The following CACNA1C variants were observed in gnomAD, a reference collection of about 807,000 sequenced individuals.
The protein encoded by CACNA1C is calcium voltage-gated channel subunit alpha1 C, also known as voltage-dependent L-type calcium channel subunit alpha-1C.
A neutral mutation model predicts 229.0 loss-of-function variants in CACNA1C; 30 were observed. The ratio of observed to expected loss-of-function variants is 0.13; its 90% confidence interval spans 0.10 to 0.18. The LOEUF (loss-of-function observed/expected upper bound fraction) is 0.18, where lower values mean the gene tolerates loss of function less well. Among genes scored for constraint, CACNA1C ranks in the 10% least tolerant of loss-of-function variants. CACNA1C has a pLI of 1.00. For missense variants in CACNA1C, 1,658 were observed against 2,845.0 expected (o/e 0.58, Z 9.49); for synonymous variants, 1,114 against 1,132.5 (o/e 0.98, Z 0.33).
chr12:2,627,497 T>C (rs1177757077), intron 29 of CACNA1C, among the ~76,000 whole-genome samples: 1 of 152,050 alleles, frequency 6.6e-6, no homozygotes, highest in East Asian at 1.9e-4. Flanking sequence ...TCTCATCATT[T>C]CTGGGACCCA....
rs74927858 is a variant in CACNA1C at position 2,678,311 on chromosome 12, G to A, written c.5091+444G>A. ...CATTCCCACAGGGCAGCAGAGGGCC[G>A]GAGCCTAGAGGCGGTGGCCCTTTGA... On this transcript the variant is annotated intron_variant, in intron 41 of 46. Transcript: ENST00000399655. This position sits in a 1 kb window ranked among gnomAD's most constrained non-coding sequence, Gnocchi z 4.1. 0.015 allele frequency among the ~76,000 whole-genome samples: 2,257 copies of A among 152,290 alleles called. 28 individuals are homozygous for A. The highest frequency in any genetic ancestry group is 0.027 in the Middle Eastern group (8 of 294).
At chr12:2,518,476 C>T (rs928594729) in intron 9 of CACNA1C, among the ~76,000 whole-genome samples, 5 of 152,100 alleles carry the variant, frequency 3.3e-5, no homozygotes, top group Admixed American at 2.0e-4. Flanking sequence ...GGAGCGGTGG[C>T]GGGCTCCTGT....
intron 3 of CACNA1C, among the ~76,000 whole-genome samples, chr12:2,213,131 G>A (rs1374214694): frequency 7.9e-5 from 12 of 152,154 alleles, no homozygotes; most frequent in African/African-American, 2.4e-4. Context: ...AGAAAAGTCA[G>A]TCAGGAGCCA....
At chr12:2,250,687 T>A (rs144099876) in intron 3 of CACNA1C, among the ~76,000 whole-genome samples, 95 of 152,304 alleles carry the variant, frequency 6.2e-4, no homozygotes, top group African/African-American at 2.1e-3. Context: ...CCTGACTTGA[T>A]CATTGTGGTG....
chr12:2,375,880 G>C (rs1018518226), intron 3 of CACNA1C, among the ~76,000 whole-genome samples: 4 of 152,228 alleles, frequency 2.6e-5, no homozygotes, highest in Admixed American at 2.0e-4. Context: ...CACACCACTT[G>C]ATTGGGAGCT....
upstream of CACNA1C, among the ~76,000 whole-genome samples, chr12:2,052,764 C>T (rs891019862): frequency 7.3e-4 from 106 of 145,606 alleles, 2 homozygotes; most frequent in Non-Finnish European, 1.4e-3. Flanking sequence ...GCGGCGCTGC[C>T]GCGGGCGCCG....
chr12:2,478,661 G>A (rs1400806393), intron 5 of CACNA1C, among the ~76,000 whole-genome samples: 2 of 152,156 alleles, frequency 1.3e-5, no homozygotes, highest in East Asian at 1.9e-4. Context: ...CAACTTTATG[G>A]GATAGGTAAA....
At chr12:2,599,242 G>A (rs1352842594) in intron 21 of CACNA1C, among the ~76,000 whole-genome samples, 1 of 152,150 alleles carries the variant, frequency 6.6e-6, no homozygotes, top group East Asian at 1.9e-4. Flanking sequence ...GCATGCTTCT[G>A]AATAGAAACC....
chr12:2,545,461 G>A (rs2099879436), intron 9 of CACNA1C, among the ~76,000 whole-genome samples: 1 of 151,946 alleles, frequency 6.6e-6, no homozygotes, highest in Non-Finnish European at 1.5e-5. Flanking sequence ...AAAACCTTTT[G>A]AACCACCACT....
chr12:2,383,599 C>T (rs1182344129), intron 3 of CACNA1C, among the ~76,000 whole-genome samples: 1 of 152,154 alleles, frequency 6.6e-6, no homozygotes, highest in Non-Finnish European at 1.5e-5. Context: ...ACTGCCTCGT[C>T]TGCAATGATA....
At chr12:2,508,711 G>T (rs1362478281) in intron 8 of CACNA1C, among the ~76,000 whole-genome samples, 1 of 152,140 alleles carries the variant, frequency 6.6e-6, no homozygotes, top group African/African-American at 2.4e-5. Flanking sequence ...CCCTGAGAGG[G>T]TTAGACCTCT....
chr12:2,650,354 G>A (rs1283432792), intron 31 of CACNA1C, among the ~76,000 whole-genome samples: 1 of 152,186 alleles, frequency 6.6e-6, no homozygotes, highest in Non-Finnish European at 1.5e-5. Context: ...TATTGCCAGT[G>A]AGAGTCTGAC....
Position 2,694,130 on chromosome 12 carries a change from G to T in CACNA1C, c.*2931G>T, listed in dbSNP as rs1020652869. On this transcript the variant is annotated 3_prime_UTR_variant, in exon 47 of 47. Coordinates refer to ENST00000399655, the MANE Select transcript of CACNA1C (RefSeq NM_000719.7). ...TTTCTACCAGGAGGTACACACAGGC[G>T]TTCCCTGTCTAGGGCAGGAGGACTA... The T allele has an allele frequency of 6.6e-6, 1 of 152,176 alleles. No individual in the cohort carries two copies. Among genetic ancestry groups the T allele is most frequent in the African/African-American group, 2.4e-5 (1 of 41,420 alleles). 9.4% of individuals were successfully genotyped at this position (152,176 alleles called of 1,614,324 possible).
intron 5 of CACNA1C, among the ~76,000 whole-genome samples, chr12:2,476,451 G>A (rs1044935567): frequency 7.9e-5 from 12 of 152,160 alleles, no homozygotes; most frequent in African/African-American, 2.9e-4. Context: ...AGACGGCTGG[G>A]GAATTAAATG....
At chr12:2,076,332 A>G (rs558347890) in intron 1 of CACNA1C, among the ~76,000 whole-genome samples, 1 of 152,188 alleles carries the variant, frequency 6.6e-6, no homozygotes, top group African/African-American at 2.4e-5. Context: ...TCACTTCTGG[A>G]TATTACACAT....
chr12:2,668,486 T>C, intron 37 of CACNA1C: 1 of 168,568 alleles, frequency 5.9e-6, no homozygotes, highest in Admixed American at 5.8e-5. Flanking sequence ...TGTAAAGAAA[T>C]ACCTGAGACT....
chr12:2,532,227 A>G (rs541890260), intron 9 of CACNA1C, among the ~76,000 whole-genome samples: 2 of 152,250 alleles, frequency 1.3e-5, no homozygotes, highest in African/African-American at 4.8e-5. Context: ...CTGAGCTGCT[A>G]CACCATGTTC....
intron 1 of CACNA1C, among the ~76,000 whole-genome samples, chr12:2,002,755 T>C (rs1403721649): frequency 6.6e-6 from 1 of 152,218 alleles, no homozygotes; most frequent in Non-Finnish European, 1.5e-5. Context: ...TTTACAGGAT[T>C]ATAACATTAT....
intron 7 of CACNA1C, among the ~76,000 whole-genome samples, chr12:2,500,313 T>C (rs1186295089): frequency 6.6e-6 from 1 of 152,188 alleles, no homozygotes; most frequent in Non-Finnish European, 1.5e-5. Context: ...AAGTCCTTCA[T>C]ATGCTGGAAG....
Sources: gnomAD v4.1 joint callset for allele counts (sites outside exome capture counted in the v4.1 genomes callset) on GRCh38, gnomAD v4.1.1 for gene constraint, Gnocchi (gnomAD v3.1) non-coding constraint, MANE v1.5 for transcripts, NCBI Gene and HGNC (gene_info 2026-07-23, HGNC 2026-07-21) for gene names.